SNRPN: variants seen among roughly 807,000 people sequenced by gnomAD.
SNRPN encodes small nuclear ribonucleoprotein polypeptide N, also known as small nuclear ribonucleoprotein-associated protein N.
A neutral mutation model predicts 25.2 loss-of-function variants in SNRPN; 7 were observed. The ratio of observed to expected loss-of-function variants is 0.28; its 90% CI spans 0.16 to 0.52. The LOEUF (loss-of-function observed/expected upper bound fraction) is 0.52. SNRPN is among the 20% of genes least tolerant of loss of function. The pLI, the probability that SNRPN is intolerant of heterozygous loss-of-function variation, is 0.96. For synonymous variants in SNRPN, 124 were observed against 110.6 expected (o/e 1.12, Z -0.76); for missense variants, 196 against 322.5 (o/e 0.61, Z 3.00).
intron 2 of SNRPN, among the ~76,000 whole-genome samples, 173 bp from the exon 3 acceptor site, chr15:24,967,759 A>T (rs537107224): frequency 6.6e-6 from 1 of 150,924 alleles, no homozygotes; most frequent in East Asian, 1.9e-4. Flanking sequence ...GGTGAGCAGA[A>T]ATTGCTTCAT....
At chr15:24,893,346 G>C (rs138841556) in intron 2 of SNRPN, among the ~76,000 whole-genome samples, 1 of 152,146 alleles carries the variant, frequency 6.6e-6, no homozygotes, top group Middle Eastern at 3.2e-3. Context: ...GCTGGGTGCC[G>C]TGGCTCATGC....
At chr15:24,830,893 T>C (rs1410820182) in intron 2 of SNRPN, among the ~76,000 whole-genome samples, 1 of 152,036 alleles carries the variant, frequency 6.6e-6, no homozygotes, top group Non-Finnish European at 1.5e-5. Context: ...TCAATGTGTA[T>C]TCTGCCCGTT....
Position 24,824,281 on chromosome 15 carries a change from A to G in SNRPN, c.-687+431A>G, listed in dbSNP as rs547025653. 6.6e-5 allele frequency among the ~76,000 whole-genome samples: 10 copies of G among 152,258 alleles called. No individual in the cohort carries two copies. The South Asian group carries it at 2.1e-3, about 32-fold the overall frequency. On this transcript the variant is annotated intron_variant, in intron 1 of 12. Coordinates refer to the SNRPN transcript ENST00000400100. ...AGGTGCACAAGGAATTAATTTGTGT[A>G]GACAGAACACTGAGAGTCCCATTCT...
At chr15:24,827,532 A>T in intron 1 of SNRPN, among the ~76,000 whole-genome samples, 1 of 149,836 alleles carries the variant, frequency 6.7e-6, no homozygotes, top group Non-Finnish European at 1.5e-5. Context: ...AAAAAAAAAA[A>T]AAAGAAACAC....
intron 2 of SNRPN, among the ~76,000 whole-genome samples, chr15:24,905,466 G>T (rs1458717203): frequency 6.8e-6 from 1 of 146,304 alleles, no homozygotes; most frequent in African/African-American, 2.5e-5. Context: ...CCGAGATCAA[G>T]CCACTGCACT....
intron 2 of SNRPN, among the ~76,000 whole-genome samples, chr15:24,846,118 T>C (rs2052173249): frequency 6.6e-6 from 1 of 152,144 alleles, no homozygotes; most frequent in Non-Finnish European, 1.5e-5. Flanking sequence ...AATATTGAGC[T>C]TTCCAATCCA....
chr15:24,974,254 T>C, intron 3 of SNRPN, 57 bp from the exon 4 acceptor site: 1 of 596,502 alleles, frequency 1.7e-6, no homozygotes. Context: ...CAAAATTGTC[T>C]GCCTGTTTTA....
At chr15:24,940,344 T>C (rs2061476123) in intron 3 of SNRPN, among the ~76,000 whole-genome samples, 1 of 152,184 alleles carries the variant, frequency 6.6e-6, no homozygotes, top group Non-Finnish European at 1.5e-5. Flanking sequence ...TTAGGTCTTA[T>C]ATTTAGGTCT....
intron 2 of SNRPN, among the ~76,000 whole-genome samples, chr15:24,910,227 A>T (rs8034896): frequency 0.017 from 2,658 of 152,276 alleles, 88 homozygotes; most frequent in African/African-American, 0.061. Flanking sequence ...ATTTGGCAGA[A>T]GAAATCTCTA....
At chr15:24,915,576 A>G (rs191737471) in intron 2 of SNRPN, among the ~76,000 whole-genome samples, 23 of 152,296 alleles carry the variant, frequency 1.5e-4, no homozygotes, top group African/African-American at 4.8e-4. Flanking sequence ...CCTTTTCTCC[A>G]GTGGAGCTCT....
chr15:24,944,338 A>G (rs1187805444), intron 3 of SNRPN, among the ~76,000 whole-genome samples: 1 of 152,208 alleles, frequency 6.6e-6, no homozygotes, highest in Non-Finnish European at 1.5e-5. Context: ...CAGTCTCATT[A>G]TACTTGTTAG....
intron 3 of SNRPN, among the ~76,000 whole-genome samples, chr15:24,928,999 A>T (rs1161782031): frequency 1.3e-5 from 2 of 152,082 alleles, no homozygotes; most frequent in Non-Finnish European, 1.5e-5. Flanking sequence ...CTATTAAATC[A>T]GCTGTGTTTT....
At chr15:24,950,544 CTTTTTT>C (rs1024998270), upstream of SNRPN, among the ~76,000 whole-genome samples, 10 of 97,130 alleles carry the variant, frequency 1.0e-4, no homozygotes, top group African/African-American at 4.1e-4. Context: ...GTTCTCATTT[CTTTTTT>C]TTTTTTTTTT....
At chr15:24,961,990 A>G in intron 1 of SNRPN, 124 bp from the exon 2 acceptor site, 1 of 877,450 alleles carries the variant, frequency 1.1e-6, no homozygotes, top group Non-Finnish European at 1.9e-6. Context: ...TAATAATTTT[A>G]CCTTGTTTTA....
chr15:24,937,640 A>G (rs2152984496), intron 3 of SNRPN, among the ~76,000 whole-genome samples: 1 of 152,314 alleles, frequency 6.6e-6, no homozygotes, highest in Middle Eastern at 3.4e-3. Flanking sequence ...ATTACATAAA[A>G]TTTTCATCTT....
At chr15:24,846,617 T>C (rs1595432312) in intron 2 of SNRPN, among the ~76,000 whole-genome samples, 1 of 152,254 alleles carries the variant, frequency 6.6e-6, no homozygotes, top group East Asian at 1.9e-4. Flanking sequence ...CTGAAAACCA[T>C]GCAAATTAGA....
chr15:24,880,807 G>C (rs995574335), intron 1 of SNRPN, among the ~76,000 whole-genome samples: 10 of 151,884 alleles, frequency 6.6e-5, no homozygotes, highest in Non-Finnish European at 1.3e-4. Context: ...GGAATGGCAT[G>C]ATCTTGGCTC....
At chr15:24,914,074 T>G (rs1459740261) in intron 2 of SNRPN, among the ~76,000 whole-genome samples, 1 of 152,198 alleles carries the variant, frequency 6.6e-6, no homozygotes, top group Middle Eastern at 3.2e-3. Flanking sequence ...TTGTTCTCCC[T>G]GGTAAAAGCG....
At chr15:24,832,565 G>C (rs1206562523) in intron 2 of SNRPN, among the ~76,000 whole-genome samples, 1 of 152,018 alleles carries the variant, frequency 6.6e-6, no homozygotes, top group African/African-American at 2.4e-5. Flanking sequence ...ACATGGGTGG[G>C]GACAATAAAG....
Sources: gnomAD v4.1 joint callset for allele counts (sites outside exome capture counted in the v4.1 genomes callset) on GRCh38, gnomAD v4.1.1 for gene constraint, MANE v1.5 for transcripts, NCBI Gene and HGNC (gene_info 2026-07-23, HGNC 2026-07-21) for gene names.